CHST8: variants seen among roughly 807,000 people sequenced by gnomAD.
CHST8 encodes GALNAC-4-ST1.
In CHST8, 10 loss-of-function variants were observed where a neutral mutation model predicts 15.0. The ratio of observed to expected loss-of-function variants is 0.67; its 90% CI spans 0.41 to 1.13. CHST8 has a LOEUF of 1.13. Among genes scored for constraint, CHST8 ranks in the 50% most tolerant of loss-of-function variants. The probability of loss-of-function intolerance (pLI) is 0.00; values close to 1 mark genes in which losing one functional copy is unlikely to be tolerated. For synonymous variants in CHST8, 259 were observed against 256.6 expected (o/e 1.01, Z -0.09); for missense variants, 634 against 608.2 (o/e 1.04, Z -0.45).
intron 3 of CHST8, among the ~76,000 whole-genome samples, chr19:33,727,666 A>G (rs1164012764): frequency 6.6e-6 from 1 of 152,164 alleles, no homozygotes; most frequent in South Asian, 2.1e-4. Flanking sequence ...GGCCCCCCGG[A>G]AGGAGGAACA....
At chr19:33,697,434 G>A (rs2145271149) in intron 3 of CHST8, among the ~76,000 whole-genome samples, 1 of 151,036 alleles carries the variant, frequency 6.6e-6, no homozygotes, top group Admixed American at 6.6e-5. Flanking sequence ...GTTTCGCCAT[G>A]TTGCCCAGGC....
intron 3 of CHST8, among the ~76,000 whole-genome samples, chr19:33,725,353 C>T (rs921311960): frequency 2.6e-5 from 4 of 152,096 alleles, no homozygotes; most frequent in African/African-American, 4.8e-5. Flanking sequence ...AGCTAAGCCT[C>T]GAGTCCTAAT....
At chr19:33,751,825 C>T (rs532138941) in intron 3 of CHST8, among the ~76,000 whole-genome samples, 6 of 152,318 alleles carry the variant, frequency 3.9e-5, no homozygotes, top group Non-Finnish European at 5.9e-5. Flanking sequence ...CCCACGGGAG[C>T]GGGATCATTT....
intron 3 of CHST8, among the ~76,000 whole-genome samples, chr19:33,706,064 T>C (rs945110954): frequency 2.1e-4 from 32 of 152,158 alleles, no homozygotes; most frequent in African/African-American, 7.7e-4. Context: ...TTGCCCAAGG[T>C]CACACAGCCA....
intron 1 of CHST8, among the ~76,000 whole-genome samples, chr19:33,646,900 G>A (rs1156672776): frequency 6.6e-6 from 1 of 152,222 alleles, no homozygotes; most frequent in Non-Finnish European, 1.5e-5. Context: ...GGGTGACAGA[G>A]TGAGACTCTG....
chr19:33,754,795 G>A (rs1206139413), intron 3 of CHST8, among the ~76,000 whole-genome samples: 1 of 152,252 alleles, frequency 6.6e-6, no homozygotes, highest in Non-Finnish European at 1.5e-5. Context: ...CCTGAGCCCA[G>A]GCTGGGGTCC....
rs757821708 is a variant in CHST8, at chr19:33,689,219, C to T, written c.-43C>T. On this transcript the variant is annotated 5_prime_UTR_variant, in exon 3 of 5. The change creates a new upstream start codon in the 5' untranslated region. Transcript: ENST00000650847. ...CCTGGTGTGGACGATGAGGGAAGAA[C>T]GTGCCCCCCACACCCAAGAGGTGAC... 45 of 1,497,816 alleles carry T rather than the reference C, an allele frequency of 3.0e-5. No individual in the cohort carries two copies. Among genetic ancestry groups the T allele is most frequent in the South Asian group, 2.2e-4 (16 of 72,994 alleles). 92.8% of individuals were successfully genotyped at this position (1,497,816 alleles called of 1,614,324 possible).
At chr19:33,739,732 C>G (rs1345784078) in intron 3 of CHST8, among the ~76,000 whole-genome samples, 1 of 152,084 alleles carries the variant, frequency 6.6e-6, no homozygotes, top group East Asian at 1.9e-4. Context: ...ACAAAAACAC[C>G]TTTTGTCTCT....
intron 3 of CHST8, among the ~76,000 whole-genome samples, chr19:33,714,235 G>A (rs1322788800): frequency 6.6e-6 from 1 of 152,150 alleles, no homozygotes; most frequent in Admixed American, 6.5e-5. Context: ...CAGTAGCTAA[G>A]TCTTGGAATC....
rs1201905332 is a variant in CHST8 at position 33,772,121 on chromosome 19, T to C, written c.333T>C (p.Arg111=). The change falls in exon 5 of 5, where the codon CGT becomes CGC. Residue 111 remains arginine (R), a synonymous_variant. Coordinates refer to ENST00000650847, the MANE Select transcript of CHST8 (RefSeq NM_001127895.2). ...RGTRLRLRQR[R]RRLLIKKMPA... is the part of the protein sequence containing the mutation. Reference sequence around the variant, plus strand: ...CCCGTCTGCGGCTCCGCCAGCGCCGTCGCCGTCTGCTCATCAAGAAAATGC... The same window carrying C: ...CCCGTCTGCGGCTCCGCCAGCGCCGCCGCCGTCTGCTCATCAAGAAAATGC... The C allele has an allele frequency of 6.2e-7, 1 of 1,610,560 alleles. No homozygotes were observed. Among genetic ancestry groups the C allele is most frequent in the Non-Finnish European group, 8.5e-7 (1 of 1,178,932 alleles).
Position 33,677,410 on chromosome 19 carries a change from C to G in CHST8, c.-87+9567C>G, listed in dbSNP as rs60648634. 2.3e-3 allele frequency among the ~76,000 whole-genome samples: 355 copies of G among 152,286 alleles called. 4 individuals are homozygous for G. Among genetic ancestry groups the G allele is most frequent in the African/African-American group, 8.1e-3 (336 of 41,538 alleles). ...AGGCTGCAGGCTTAGGGAAAGAAAC[C>G]AGAGAAACCAGACTCCCTTGGATGT... On this transcript the variant is annotated intron_variant, in intron 2 of 4. Transcript: ENST00000650847.
At chr19:33,653,976 GTC>G (rs1972479523) in intron 1 of CHST8, among the ~76,000 whole-genome samples, 1 of 152,124 alleles carries the variant, frequency 6.6e-6, no homozygotes. Context: ...TTTGGCCAGA[GTC>G]TATGATTATC....
chr19:33,686,209 C>A, intron 2 of CHST8, among the ~76,000 whole-genome samples: 1 of 152,126 alleles, frequency 6.6e-6, no homozygotes, highest in Non-Finnish European at 1.5e-5. Flanking sequence ...AAAGGGGAAA[C>A]GTGAACAGAT....
At chr19:33,700,437 G>A (rs1041219092) in intron 3 of CHST8, among the ~76,000 whole-genome samples, 1 of 152,208 alleles carries the variant, frequency 6.6e-6, no homozygotes. Context: ...GCCCAAGGCT[G>A]GCAAGGGCCA....
At chr19:33,663,183 C>A (rs1972608237) in intron 1 of CHST8, among the ~76,000 whole-genome samples, 1 of 152,168 alleles carries the variant, frequency 6.6e-6, no homozygotes. Context: ...GATCCTTCTT[C>A]CTGGGAAGAA....
At chr19:33,653,662 T>C (rs1447209052) in intron 1 of CHST8, among the ~76,000 whole-genome samples, 1 of 152,232 alleles carries the variant, frequency 6.6e-6, no homozygotes, top group African/African-American at 2.4e-5. Flanking sequence ...TGGATCTGAC[T>C]TCTACTCCAA....
At chr19:33,677,589 C>T (rs1286702974) in intron 2 of CHST8, among the ~76,000 whole-genome samples, 1 of 152,236 alleles carries the variant, frequency 6.6e-6, no homozygotes, top group Non-Finnish European at 1.5e-5. Flanking sequence ...CATCCCACCA[C>T]TGCAGGAATC....
chr19:33,649,486 G>T (rs1185273393), intron 1 of CHST8, among the ~76,000 whole-genome samples: 3 of 152,202 alleles, frequency 2.0e-5, no homozygotes, highest in Non-Finnish European at 4.4e-5. Flanking sequence ...AGGGAGGGCA[G>T]GGTGGAACAG....
intron 2 of CHST8, among the ~76,000 whole-genome samples, chr19:33,684,086 C>T (rs1972933572): frequency 6.6e-6 from 1 of 152,208 alleles, no homozygotes; most frequent in Non-Finnish European, 1.5e-5. Flanking sequence ...CTCGCTGTGG[C>T]TGTGTGTTTG....
Sources: allele counts gnomAD v4.1 joint callset (sites outside exome capture counted in the v4.1 genomes callset), GRCh38; gene constraint gnomAD v4.1.1; transcripts MANE v1.5; gene names NCBI Gene and HGNC (gene_info 2026-07-23, HGNC 2026-07-21).